Variants in ALK observed in about 807,000 individuals in gnomAD.
ALK encodes ALK receptor tyrosine kinase.
ALK carries 74 observed loss-of-function variants against 163.1 expected under a neutral mutation model. That is an observed-to-expected ratio of 0.45 (90% CI 0.38 to 0.55). ALK has a LOEUF of 0.55. Among genes scored for constraint, ALK ranks in the 20% least tolerant of loss-of-function variants. The pLI is 0.00. For missense variants in ALK, 2,063 were observed against 2,105.3 expected (o/e 0.98, Z 0.39); for synonymous variants, 960 against 843.2 (o/e 1.14, Z -2.40).
At chr2:29,424,434 C>T (rs1037333482) in intron 4 of ALK, among the ~76,000 whole-genome samples, 5 of 152,146 alleles carry the variant, frequency 3.3e-5, no homozygotes, top group African/African-American at 7.2e-5. Flanking sequence ...TTCTGAATAT[C>T]GTGGCTACAT....
chr2:29,225,687 A>G, intron 18 of ALK, 122 bp from the exon 19 acceptor site: 5 of 795,892 alleles, frequency 6.3e-6, no homozygotes, highest in Non-Finnish European at 1.1e-5. Context: ...ATCGCTGGAG[A>G]CCTTGTCACA....
At chr2:29,732,647 G>A (rs1679777125) in intron 1 of ALK, among the ~76,000 whole-genome samples, 1 of 152,140 alleles carries the variant, frequency 6.6e-6, no homozygotes, top group South Asian at 2.1e-4. Context: ...ATGGTATTAG[G>A]AGGTGAGGCC....
chr2:29,310,496 A>G (rs1666667976), intron 8 of ALK, among the ~76,000 whole-genome samples: 1 of 152,222 alleles, frequency 6.6e-6, no homozygotes, highest in African/African-American at 2.4e-5. Context: ...CCTCATTAAG[A>G]ATAATGGCTT....
In ALK at chr2:29,318,286, A is replaced by G. The variant is rs2148247877; in HGVS notation, c.1647+18T>C. On this transcript the variant is annotated intron_variant, in intron 8 of 28. Transcript: ENST00000389048. ...GTGGGAGGAGAAATTAGAGAACTAG[A>G]GAAACAAGGAGACTTGCCTCACATG... is the stretch of plus-strand genomic sequence containing the variant. The G allele has an allele frequency of 6.3e-7, 1 of 1,589,396 alleles. No homozygotes were observed. Among genetic ancestry groups the G allele is most frequent in the Non-Finnish European group, 8.6e-7 (1 of 1,157,482 alleles).
At chr2:29,250,255 G>A (rs1481054298) in intron 12 of ALK, among the ~76,000 whole-genome samples, 1 of 152,200 alleles carries the variant, frequency 6.6e-6, no homozygotes, top group African/African-American at 2.4e-5. Context: ...TTCTGGATGT[G>A]TAACTGTGGG....
At position 29,222,407 on chromosome 2, in the gene ALK, G is replaced by A. The variant is rs113994091; in HGVS notation, c.3452C>T (p.Thr1151Met). 31 of 1,613,962 alleles carry A rather than the reference G, an allele frequency of 1.9e-5. No homozygotes were observed. Among genetic ancestry groups the A allele is most frequent in the Admixed American group, 1.0e-4 (6 of 59,992 alleles). ...DPSPLQVAVK[T>M]LPEVCSEQDE... ...CTGTTCAGAGCACACTTCAGGCAGC[G>A]TCTGGGCAGAGAAGGGGAGGGTGGG... Residue 1151 changes from threonine (T) to methionine (M), a missense_variant and splice_region_variant, in exon 22 of 29, where the codon ACG becomes ATG. By Grantham distance (81) the Thr-to-Met change is moderately conservative. This residue lies in a region of ALK where 575 missense variants were observed against 626.6 expected (regional missense o/e 0.92). Transcript: ENST00000389048.
At chr2:29,574,953 T>C (rs1386059499) in intron 3 of ALK, among the ~76,000 whole-genome samples, 1 of 152,182 alleles carries the variant, frequency 6.6e-6, no homozygotes, top group Non-Finnish European at 1.5e-5. Context: ...ACATTATTAA[T>C]ACCTGCACGG....
intron 4 of ALK, among the ~76,000 whole-genome samples, chr2:29,438,629 G>A (rs1478424405): frequency 6.6e-6 from 1 of 152,168 alleles, no homozygotes; most frequent in South Asian, 2.1e-4. Flanking sequence ...TGCTGCCAAT[G>A]GTTGAAGGCT....
intron 2 of ALK, among the ~76,000 whole-genome samples, chr2:29,708,951 T>C (rs576395103): frequency 1.3e-5 from 2 of 152,344 alleles, no homozygotes; most frequent in South Asian, 4.1e-4. Flanking sequence ...AGGTCTCTTC[T>C]GACACAAAGT....
At chr2:29,627,597 G>C (rs1395254873) in intron 3 of ALK, among the ~76,000 whole-genome samples, 7 of 152,208 alleles carry the variant, frequency 4.6e-5, no homozygotes, top group Non-Finnish European at 1.0e-4. Flanking sequence ...CCCGGCAGGA[G>C]ACAGGAATGA....
At chr2:29,469,995 G>A (rs1166350014) in intron 4 of ALK, among the ~76,000 whole-genome samples, 2 of 152,130 alleles carry the variant, frequency 1.3e-5, no homozygotes, top group Admixed American at 6.6e-5. Context: ...ATTATAATAT[G>A]TTCAAGAAGA....
At chr2:29,523,909 C>A (rs1672885657) in intron 4 of ALK, among the ~76,000 whole-genome samples, 1 of 122,752 alleles carries the variant, frequency 8.1e-6, no homozygotes, top group African/African-American at 3.3e-5. Flanking sequence ...TCAATGAAAG[C>A]AATCGTGAGT....
intron 1 of ALK, among the ~76,000 whole-genome samples, chr2:29,887,666 C>A (rs147846136): frequency 6.6e-6 from 1 of 152,154 alleles, no homozygotes; most frequent in African/African-American, 2.4e-5. Context: ...TTGGATTCTA[C>A]ATTTTTAACA....
At chr2:29,716,034 A>G (rs1679244341) in intron 2 of ALK, among the ~76,000 whole-genome samples, 1 of 152,176 alleles carries the variant, frequency 6.6e-6, no homozygotes, top group African/African-American at 2.4e-5. Context: ...AGCGTTATAG[A>G]TGAGAGACAG....
intron 4 of ALK, among the ~76,000 whole-genome samples, chr2:29,495,191 C>A (rs757196673): frequency 2.3e-4 from 35 of 152,192 alleles, no homozygotes; most frequent in Non-Finnish European, 2.6e-4. Context: ...CAGCTCTGCT[C>A]CCTGCTCCTT....
At chr2:29,209,435 G>A (rs1200820581) in intron 25 of ALK, among the ~76,000 whole-genome samples, 3 of 151,510 alleles carry the variant, frequency 2.0e-5, no homozygotes, top group African/African-American at 7.3e-5. Context: ...CCAGCTACTC[G>A]AGAAGCTGAG....
chr2:29,501,837 A>G (rs939720641), intron 4 of ALK, among the ~76,000 whole-genome samples: 3 of 152,174 alleles, frequency 2.0e-5, no homozygotes, highest in African/African-American at 7.2e-5. Context: ...GTACCAGTTA[A>G]GCAGTCACTC....
intron 3 of ALK, among the ~76,000 whole-genome samples, chr2:29,687,713 A>G (rs1337200603): frequency 1.3e-5 from 2 of 152,108 alleles, no homozygotes; most frequent in South Asian, 2.1e-4. Flanking sequence ...CCTTATGTAC[A>G]TAGTTCTTTT....
At chr2:29,663,536 C>A (rs1215533502) in intron 3 of ALK, among the ~76,000 whole-genome samples, 1 of 152,042 alleles carries the variant, frequency 6.6e-6, no homozygotes, top group African/African-American at 2.4e-5. Context: ...AAGCAATTTC[C>A]CTCTATAGAG....
Sources: gnomAD v4.1 joint callset for allele counts (sites outside exome capture counted in the v4.1 genomes callset) on GRCh38, gnomAD v4.1.1 for gene constraint, gnomAD v4.1.1 regional missense constraint, MANE v1.5 for transcripts, NCBI Gene and HGNC (gene_info 2026-07-23, HGNC 2026-07-21) for gene names.